PTPN23: variants seen among roughly 807,000 people sequenced by gnomAD.
PTPN23 encodes tyrosine-protein phosphatase non-receptor type 23.
In PTPN23, 72 loss-of-function variants were observed where a neutral mutation model predicts 156.3. The observed-to-expected ratio is 0.46, with a 90% confidence interval of 0.38 to 0.56. The LOEUF (loss-of-function observed/expected upper bound fraction) is 0.56, where lower values mean the gene tolerates loss of function less well. Among genes scored for constraint, PTPN23 ranks in the 20% least tolerant of loss-of-function variants. The pLI is 0.00. For synonymous variants in PTPN23, 957 were observed against 899.6 expected (o/e 1.06, Z -1.14); for missense variants, 1,974 against 2,171.5 (o/e 0.91, Z 1.81).
Position 47,413,339 on chromosome 3 carries a change from A to AAATGT in PTPN23, c.*156_*160dup. On this transcript the variant is annotated 3_prime_UTR_variant, in exon 25 of 25. Transcript: ENST00000265562. ...CCCAGCCTGCACCCCTGTGGGGTGGAAATGTACTGCAGGCTCTGGGTCAGG... is the reference window on the plus strand; with the variant it reads ...CCCAGCCTGCACCCCTGTGGGGTGGAAATGTAATGTACTGCAGGCTCTGGGTCAGG... 9.5e-7 allele frequency: 1 copy of AAATGT among 1,054,066 alleles called. No homozygotes were observed. Among genetic ancestry groups the AAATGT allele is most frequent in the Non-Finnish European group, 1.4e-6 (1 of 728,818 alleles). 65.3% of individuals were successfully genotyped at this position (1,054,066 alleles called of 1,614,324 possible).
chr3:47,407,293 G>T lies in PTPN23; in HGVS notation c.865-16G>T. On this transcript the variant is annotated splice_polypyrimidine_tract_variant and intron_variant, in intron 10 of 24. Transcript: ENST00000265562. This position sits in a 1 kb window ranked among gnomAD's most constrained non-coding sequence, Gnocchi z 4.0. ...TGGTTAGTGCTAAGGCCCCACCCCT[G>T]TCCCTAACCCCACAGGGCCAGCCTG... is the stretch of plus-strand genomic sequence containing the variant. 6.2e-7 allele frequency: 1 copy of T among 1,613,794 alleles called. No individual in the cohort carries two copies. Among genetic ancestry groups the T allele is most frequent in the Non-Finnish European group, 8.5e-7 (1 of 1,179,822 alleles).
In PTPN23 at chr3:47,407,291, CT is replaced by C. The variant is rs757428942; in HGVS notation, c.865-17del. ...CTTGGTTAGTGCTAAGGCCCCACCC[CT>C]GTCCCTAACCCCACAGGGCCAGCCT... On this transcript the variant is annotated splice_polypyrimidine_tract_variant and intron_variant, in intron 10 of 24. Transcript: ENST00000265562. The surrounding 1 kb of genome is among the most constrained non-coding windows in gnomAD (Gnocchi z 4.0). 8.1e-6 allele frequency: 13 copies of C among 1,613,246 alleles called. No homozygotes were observed. The highest frequency in any genetic ancestry group is 1.1e-5 in the South Asian group (1 of 91,070).
intron 2 of PTPN23, among the ~76,000 whole-genome samples, chr3:47,400,887 ATTTTATTTATTTTG>A (rs1704980340): frequency 6.7e-6 from 1 of 148,598 alleles, no homozygotes; most frequent in Admixed American, 6.8e-5. Context: ...ATTTTATTTT[ATTTTATTTATTTTG>A]TTTTATTATT....
rs921524517 is a variant in PTPN23 at position 47,411,860 on chromosome 3, C to T, written c.3966C>T (p.Ser1322=). 6.8e-6 allele frequency: 11 copies of T among 1,613,128 alleles called. No homozygotes were observed. Among genetic ancestry groups the T allele is most frequent in the Middle Eastern group, 1.6e-4 (1 of 6,080 alleles). The part of the protein sequence containing the change: ...VHGALSLALS[S]VRSTETHVER... ...GTGCCCTGAGCCTGGCATTGAGCAGCGTCCGCAGCACCGAAACCCATGTGG... is the reference window on the plus strand; with the variant it reads ...GTGCCCTGAGCCTGGCATTGAGCAGTGTCCGCAGCACCGAAACCCATGTGG... The change falls in exon 21 of 25, where the codon AGC becomes AGT. Residue 1322 remains serine, a synonymous_variant. Coordinates refer to ENST00000265562, the MANE Select transcript of PTPN23 (RefSeq NM_015466.4). The surrounding 1 kb of genome is among the most constrained non-coding windows in gnomAD (Gnocchi z 6.3).
At chr3:47,386,444 G>T (rs940867868) in intron 1 of PTPN23, among the ~76,000 whole-genome samples, 21 of 152,144 alleles carry the variant, frequency 1.4e-4, no homozygotes, top group African/African-American at 5.1e-4. Context: ...GGGATTACAG[G>T]CATGAGCTAC....
At chr3:47,392,610 C>T (rs1704798492) in intron 1 of PTPN23, among the ~76,000 whole-genome samples, 1 of 152,050 alleles carries the variant, frequency 6.6e-6, no homozygotes, top group Non-Finnish European at 1.5e-5. Context: ...CCTGTCAGCT[C>T]CCTAAAGTTC....
At chr3:47,409,115 AC>A in intron 16 of PTPN23, 28 bp downstream of exon 16, 1 of 1,606,558 alleles carries the variant, frequency 6.2e-7, no homozygotes, top group Non-Finnish European at 8.5e-7. Context: ...CCATTGGGAG[AC>A]TCGAGCTGGG....
Position 47,413,400 on chromosome 3 carries a change from C to T in PTPN23, c.*215C>T. 1.6e-6 allele frequency: 1 copy of T among 621,796 alleles called. No individual in the cohort carries two copies. The highest frequency in any genetic ancestry group is 2.5e-5 in the South Asian group (1 of 39,436). The allele number at this position is 621,796 out of a possible 1,614,324, so 38.5% of individuals were successfully genotyped here. ...TTATGGGACCCGACATTTTTCAGCT[C>T]TTTGCTATTGAAATAATAAACCACC... On this transcript the variant is annotated 3_prime_UTR_variant, in exon 25 of 25. Coordinates refer to ENST00000265562, the MANE Select transcript of PTPN23 (RefSeq NM_015466.4).
In PTPN23 at chr3:47,407,379, G is replaced by A. The variant is rs561225453; in HGVS notation, c.923+12G>A. On this transcript the variant is annotated intron_variant, in intron 11 of 24. Coordinates refer to ENST00000265562, the MANE Select transcript of PTPN23 (RefSeq NM_015466.4). The surrounding 1 kb of genome is among the most constrained non-coding windows in gnomAD (Gnocchi z 4.0). Reference sequence around the variant, plus strand: ...GTCATTGGGGGAAAGTGAGTCTGTGGGGGTGGCCCTGGTTCCCTCTTTTTG... The same window carrying A: ...GTCATTGGGGGAAAGTGAGTCTGTGAGGGTGGCCCTGGTTCCCTCTTTTTG... The A allele has an allele frequency of 1.2e-6, 2 of 1,613,726 alleles. No individual in the cohort carries two copies. The highest frequency in any genetic ancestry group is 2.7e-5 in the African/African-American group (2 of 74,890).
intron 16 of PTPN23, 32 bp downstream of exon 16, chr3:47,409,119 G>A (rs757853601): frequency 3.7e-6 from 6 of 1,606,680 alleles, no homozygotes; most frequent in African/African-American, 2.7e-5. Flanking sequence ...TGGGAGACTC[G>A]AGCTGGGGGT....
At chr3:47,408,007 C>T in intron 14 of PTPN23, 52 bp downstream of exon 14, 7 of 1,588,530 alleles carry the variant, frequency 4.4e-6, no homozygotes, top group Non-Finnish European at 6.0e-6. Context: ...CTTCCCGGGC[C>T]TCTGGGGGCC....
At chr3:47,400,397 C>T (rs1704968671) in intron 2 of PTPN23, among the ~76,000 whole-genome samples, 1 of 152,316 alleles carries the variant, frequency 6.6e-6, no homozygotes, top group East Asian at 1.9e-4. Context: ...CTCTCTCAGA[C>T]TCCTCTGTGC....
intron 1 of PTPN23, among the ~76,000 whole-genome samples, chr3:47,387,008 A>T (rs892244688): frequency 3.3e-5 from 5 of 152,188 alleles, no homozygotes; most frequent in African/African-American, 4.8e-5. Flanking sequence ...GGGAGAGGTA[A>T]CCTGAGTCTT....
chr3:47,398,590 G>A (rs573784298), intron 2 of PTPN23, among the ~76,000 whole-genome samples: 1 of 150,028 alleles, frequency 6.7e-6, no homozygotes, highest in African/African-American at 2.5e-5. Context: ...TCCCGAGACA[G>A]GGTTTCGCTC....
chr3:47,410,258 C>T lies in PTPN23; in HGVS notation c.2460C>T (p.Ala820=). 6.2e-7 allele frequency: 1 copy of T among 1,610,696 alleles called. No individual in the cohort carries two copies. Residue 820 remains alanine, a synonymous_variant, in exon 20 of 25, where the codon GCC becomes GCT. Coordinates refer to ENST00000265562, the MANE Select transcript of PTPN23 (RefSeq NM_015466.4). The part of the protein sequence containing the change: ...PHAMPVAPGP[A]LYPAPAYTPE... ...CAATGCCCGTAGCACCTGGGCCTGC[C>T]CTCTACCCAGCCCCTGCCTACACAC...
At chr3:47,387,176 A>G (rs1704670773) in intron 1 of PTPN23, among the ~76,000 whole-genome samples, 2 of 152,234 alleles carry the variant, frequency 1.3e-5, no homozygotes, top group South Asian at 2.1e-4. Context: ...GCTTGCTGAC[A>G]TGGACCAAGG....
At position 47,411,493 on chromosome 3, in the gene PTPN23, A is replaced by G; in HGVS notation, c.3695A>G (p.Asn1232Ser). The change falls in exon 20 of 25, where the codon AAC (asparagine) becomes AGC (serine). Residue 1232 changes from asparagine to serine, a missense_variant. This residue lies in a region of PTPN23 where 33 missense variants were observed against 56.9 expected (regional missense o/e 0.58). Coordinates refer to ENST00000265562, the MANE Select transcript of PTPN23 (RefSeq NM_015466.4). The surrounding 1 kb of genome is among the most constrained non-coding windows in gnomAD (Gnocchi z 6.3). ...RHQDVMPYDS[N>S]RVVLRSGKDD... The stretch of plus-strand genomic sequence containing the variant: ...CAGGATGTCATGCCCTATGACAGTA[A>G]CCGTGTGGTGCTGCGCTCAGGCAAG... 2.5e-6 allele frequency: 4 copies of G among 1,613,078 alleles called. No individual in the cohort carries two copies. The highest frequency in any genetic ancestry group is 3.4e-6 in the Non-Finnish European group (4 of 1,180,006).
At chr3:47,395,658 G>A (rs900694) in intron 1 of PTPN23, among the ~76,000 whole-genome samples, 146,022 of 152,292 alleles carry the variant, frequency 0.96, 70,324 homozygotes, top group East Asian at 1. Context: ...CAGATCACAT[G>A]TTTCTATGCT....
Position 47,406,197 on chromosome 3 carries a change from G to C in PTPN23, c.547-128G>C. The C allele has an allele frequency of 6.9e-7, 1 of 1,458,552 alleles. No individual in the cohort carries two copies. The highest frequency in any genetic ancestry group is 9.4e-7 in the Non-Finnish European group (1 of 1,067,504). 90.4% of individuals were successfully genotyped at this position (1,458,552 alleles called of 1,614,324 possible). A position where few individuals can be genotyped will look rare whatever the true frequency, so the allele number is the denominator to read the frequency against. On this transcript the variant is annotated intron_variant, in intron 6 of 24. Transcript: ENST00000265562. This position sits in a 1 kb window ranked among gnomAD's most constrained non-coding sequence, Gnocchi z 5.8. ...ATCAGGAGCACCGTGGTGCTGCTTG[G>C]AGTGGGGGCAGCTGGGGGAGAGGGC...
Sources: gnomAD v4.1 joint callset for allele counts (sites outside exome capture counted in the v4.1 genomes callset) on GRCh38, gnomAD v4.1.1 for gene constraint, gnomAD v4.1.1 regional missense constraint, Gnocchi (gnomAD v3.1) non-coding constraint, MANE v1.5 for transcripts, NCBI Gene and HGNC (gene_info 2026-07-23, HGNC 2026-07-21) for gene names.